PSMA1: variants seen among roughly 807,000 people sequenced by gnomAD.
The protein encoded by PSMA1 is proteasome 20S subunit alpha 1, also known as proteasome subunit alpha type-1.
PSMA1 carries 3 observed loss-of-function variants against 38.4 expected under a neutral mutation model. The observed-to-expected ratio is 0.08, with a 90% CI of 0.04 to 0.20. The LOEUF (loss-of-function observed/expected upper bound fraction) is 0.20. Ranked by LOEUF, PSMA1 falls within the 10% of genes least tolerant of loss-of-function variation. The pLI, the probability that PSMA1 is intolerant of heterozygous loss-of-function variation, is 1.00. For missense variants in PSMA1, 227 were observed against 325.3 expected (o/e 0.70, Z 2.32); for synonymous variants, 101 against 107.1 (o/e 0.94, Z 0.35).
At chr11:14,576,794 T>C (rs1247529628) in intron 2 of PSMA1, among the ~76,000 whole-genome samples, 1 of 152,184 alleles carries the variant, frequency 6.6e-6, no homozygotes, top group African/African-American at 2.4e-5. Context: ...AACTTTAAAG[T>C]AGTTTTTTCC....
chr11:14,624,800 T>A (rs1380515102), intron 1 of PSMA1, among the ~76,000 whole-genome samples: 1 of 152,104 alleles, frequency 6.6e-6, no homozygotes, highest in Non-Finnish European at 1.5e-5. Flanking sequence ...CCACTGTAGC[T>A]GTGAAAGGAC....
intron 2 of PSMA1, among the ~76,000 whole-genome samples, chr11:14,585,167 T>C (rs1034210247): frequency 1.3e-5 from 2 of 152,204 alleles, no homozygotes; most frequent in Admixed American, 6.5e-5. Flanking sequence ...GCTCGATTGC[T>C]TGTTCCTATA....
At chr11:14,556,619 C>T (rs1367918812) in intron 2 of PSMA1, among the ~76,000 whole-genome samples, 2 of 152,082 alleles carry the variant, frequency 1.3e-5, no homozygotes, top group African/African-American at 4.8e-5. Flanking sequence ...CTTCAGGCAT[C>T]TTATTTTAGT....
chr11:14,511,478 T>C (rs1463919057), intron 7 of PSMA1, among the ~76,000 whole-genome samples: 4 of 151,586 alleles, frequency 2.6e-5, no homozygotes, highest in Non-Finnish European at 5.9e-5. Context: ...ACAAGTGAGA[T>C]TTATCCCAAG....
chr11:14,618,236 G>A (rs1852799928), intron 1 of PSMA1, among the ~76,000 whole-genome samples: 3 of 152,134 alleles, frequency 2.0e-5, no homozygotes, highest in Non-Finnish European at 2.9e-5. Context: ...GCTTGTGATT[G>A]TATCTCAATT....
At chr11:14,587,039 T>C (rs1852354576) in intron 2 of PSMA1, among the ~76,000 whole-genome samples, 2 of 152,204 alleles carry the variant, frequency 1.3e-5, no homozygotes, top group Admixed American at 1.3e-4. Flanking sequence ...CTTTTGAATT[T>C]ACTTAATATC....
intron 2 of PSMA1, among the ~76,000 whole-genome samples, chr11:14,586,482 G>T (rs1359793972): frequency 6.6e-6 from 1 of 151,992 alleles, no homozygotes; most frequent in Non-Finnish European, 1.5e-5. Context: ...CTGAGCCAGG[G>T]TAGTATGCAT....
At chr11:14,581,026 G>A (rs762597784) in intron 2 of PSMA1, among the ~76,000 whole-genome samples, 6 of 152,156 alleles carry the variant, frequency 3.9e-5, no homozygotes, top group Non-Finnish European at 7.3e-5. Flanking sequence ...TGTAGTTATG[G>A]GATGAATCGA....
chr11:14,621,637 C>G (rs569870668), intron 1 of PSMA1, among the ~76,000 whole-genome samples: 3 of 152,254 alleles, frequency 2.0e-5, no homozygotes, highest in Admixed American at 6.5e-5. Context: ...CTTTTTCTCT[C>G]CACTAGCTAT....
chr11:14,507,535 T>A (rs1223246605), intron 9 of PSMA1, 121 bp downstream of exon 9: 1 of 706,380 alleles, frequency 1.4e-6, no homozygotes, highest in African/African-American at 1.8e-5. Context: ...ATTTTCCTGT[T>A]GCCATTTGAA....
chr11:14,559,431 C>T (rs1019084737), intron 2 of PSMA1, among the ~76,000 whole-genome samples: 3 of 152,208 alleles, frequency 2.0e-5, no homozygotes, highest in African/African-American at 7.2e-5. Context: ...ATTCCCACAA[C>T]CCTCAGCATC....
chr11:14,611,122 T>A (rs925722380), exon 2 of PSMA1: 1 of 761,734 alleles, frequency 1.3e-6, no homozygotes, highest in East Asian at 2.7e-5. Context: ...GAGCTGACCA[T>A]GAATACATGC....
chr11:14,638,539 CTCTCTCTATATATATA>C (rs1212113879), intron 1 of PSMA1, among the ~76,000 whole-genome samples: 66 of 19,188 alleles, frequency 3.4e-3, no homozygotes, highest in Middle Eastern at 0.018. Flanking sequence ...CTCTCTCTCT[CTCTCTCTATATATATA>C]TATATATATA....
chr11:14,559,457 A>C (rs1851983642), intron 2 of PSMA1, among the ~76,000 whole-genome samples: 1 of 152,230 alleles, frequency 6.6e-6, no homozygotes, highest in South Asian at 2.1e-4. Flanking sequence ...CTTAGTTCAC[A>C]ATGGGTGCGG....
chr11:14,523,547 C>T (rs1036510802), upstream of PSMA1, among the ~76,000 whole-genome samples: 8 of 150,486 alleles, frequency 5.3e-5, no homozygotes, highest in African/African-American at 2.0e-4. Context: ...GCTGAAATTA[C>T]AGGAGTGAGC....
intron 1 of PSMA1, among the ~76,000 whole-genome samples, chr11:14,622,263 T>G (rs1271766993): frequency 6.6e-6 from 1 of 152,238 alleles, no homozygotes; most frequent in Non-Finnish European, 1.5e-5. Flanking sequence ...TCTATTCCAA[T>G]TAGAAGAGAG....
chr11:14,591,852 G>T (rs1004728091), intron 2 of PSMA1, among the ~76,000 whole-genome samples: 1 of 152,142 alleles, frequency 6.6e-6, no homozygotes. Context: ...AGCCAGCAGT[G>T]GCAACCCGCT....
intron 9 of PSMA1, among the ~76,000 whole-genome samples, chr11:14,505,892 G>A (rs2134139651): frequency 6.6e-6 from 1 of 152,208 alleles, no homozygotes; most frequent in Middle Eastern, 3.4e-3. Context: ...TGTAGTTTCA[G>A]CTACTTGGTG....
intron 2 of PSMA1, among the ~76,000 whole-genome samples, chr11:14,559,442 C>T (rs956848630): frequency 1.3e-5 from 2 of 152,174 alleles, no homozygotes; most frequent in Non-Finnish European, 2.9e-5. Context: ...CCTCAGCATC[C>T]GGAACTTAGT....
Sources: gnomAD v4.1 joint callset for allele counts (sites outside exome capture counted in the v4.1 genomes callset) on GRCh38, gnomAD v4.1.1 for gene constraint, MANE v1.5 for transcripts, NCBI Gene and HGNC (gene_info 2026-07-23, HGNC 2026-07-21) for gene names.